ASAP3: variants seen among roughly 807,000 people sequenced by gnomAD.
The protein encoded by ASAP3 is ArfGAP with SH3 domain, ankyrin repeat and PH domain 3, also known as arf-GAP with SH3 domain, ANK repeat and PH domain-containing protein 3.
ASAP3 carries 85 observed loss-of-function variants against 118.2 expected under a neutral mutation model. The ratio of observed to expected loss-of-function variants is 0.72; its 90% CI spans 0.60 to 0.86. ASAP3 has a LOEUF of 0.86. Ranked by LOEUF, ASAP3 falls within the 40% of genes least tolerant of loss-of-function variation. ASAP3 has a pLI of 0.00. For synonymous variants in ASAP3, 432 were observed against 477.4 expected (o/e 0.90, Z 1.24); for missense variants, 1,026 against 1,175.0 (o/e 0.87, Z 1.85).
In ASAP3 at chr1:23,467,055, G is replaced by T. The variant is rs565436669; in HGVS notation, c.130-10861C>A. 6.6e-4 allele frequency among the ~76,000 whole-genome samples: 100 copies of T among 151,900 alleles called. 1 individual carries two copies. In the Middle Eastern group the frequency reaches 0.021, roughly 31 times the overall value. The stretch of plus-strand genomic sequence containing the variant: ...GCTAATTTTCTGTAGTAGAGACAGG[G>T]GTTTCACCATGTTGGCCAGGCTGGT... On this transcript the variant is annotated intron_variant, in intron 1 of 24. Coordinates refer to ENST00000336689, the MANE Select transcript of ASAP3 (RefSeq NM_017707.4).
intron 2 of ASAP3, 45 bp downstream of exon 2, chr1:23,456,077 A>AG: frequency 6.2e-7 from 1 of 1,613,944 alleles, no homozygotes; most frequent in Non-Finnish European, 8.5e-7. Context: ...TGGGGCTGGG[A>AG]GAGGGGCTTC....
At chr1:23,458,673 G>C (rs956699041) in intron 1 of ASAP3, among the ~76,000 whole-genome samples, 1 of 151,480 alleles carries the variant, frequency 6.6e-6, no homozygotes, top group Non-Finnish European at 1.5e-5. Context: ...AGGGGAGAAC[G>C]TTTCTTTCTA....
intron 1 of ASAP3, among the ~76,000 whole-genome samples, chr1:23,469,817 T>A (rs74996577): frequency 1.3e-5 from 2 of 152,186 alleles, no homozygotes; most frequent in Non-Finnish European, 2.9e-5. Context: ...CTCAAGGTCA[T>A]GTAGGAAGTT....
chr1:23,472,476 A>G (rs1384535892), intron 1 of ASAP3, among the ~76,000 whole-genome samples: 1 of 152,180 alleles, frequency 6.6e-6, no homozygotes, highest in Non-Finnish European at 1.5e-5. Flanking sequence ...CACTGGCCTC[A>G]GCAAATGTTT....
chr1:23,458,939 G>A (rs766921378), intron 1 of ASAP3, among the ~76,000 whole-genome samples: 1 of 152,104 alleles, frequency 6.6e-6, no homozygotes. Flanking sequence ...GGGAGGCCAA[G>A]GCAGTGGATC....
chr1:23,484,155 G>C lies in ASAP3; in HGVS notation c.-22C>G, dbSNP rs1368575249. 1.6e-6 allele frequency: 2 copies of C among 1,257,856 alleles called. No homozygotes were observed. The highest frequency in any genetic ancestry group is 3.1e-5 in the African/African-American group (2 of 64,276). The allele number at this position is 1,257,856 out of a possible 1,614,324, so 77.9% of individuals were successfully genotyped here. A position where few individuals can be genotyped will look rare whatever the true frequency, so the allele number is the denominator to read the frequency against. Reference sequence around the variant, plus strand: ...GCATGGCGGGCGCGAGCGTGGAGCTGCCGGAGCGGGGCGCGGGGGGCACTG... The same window carrying C: ...GCATGGCGGGCGCGAGCGTGGAGCTCCCGGAGCGGGGCGCGGGGGGCACTG... On this transcript the variant is annotated 5_prime_UTR_variant, in exon 1 of 25. Transcript: ENST00000336689.
At chr1:23,449,919 G>T (rs545088379) in intron 5 of ASAP3, among the ~76,000 whole-genome samples, 2 of 152,344 alleles carry the variant, frequency 1.3e-5, no homozygotes, top group South Asian at 4.1e-4. Context: ...TAACGGCTTA[G>T]TTAAGGTAAC....
At position 23,428,574 on chromosome 1, in the gene ASAP3, C is replaced by CA. The variant is rs1282427072; in HGVS notation, c.*1281dup. 2.6e-5 allele frequency: 4 copies of CA among 152,242 alleles called. No individual in the cohort carries two copies. The highest frequency in any genetic ancestry group is 5.9e-5 in the Non-Finnish European group (4 of 68,048). 9.4% of individuals were successfully genotyped at this position (152,242 alleles called of 1,614,324 possible). ...ATGAAACCACTGGAAACTGACCCCC[C>CA]AATCCTTTATTAGAGATGAGTGAAA... On this transcript the variant is annotated 3_prime_UTR_variant, in exon 25 of 25. Coordinates refer to ENST00000336689, the MANE Select transcript of ASAP3 (RefSeq NM_017707.4).
Position 23,474,248 on chromosome 1 carries a change from G to A in ASAP3, c.129+9757C>T, listed in dbSNP as rs116772391. Reference sequence around the variant, plus strand: ...CCCCCAAACTGCTGGGATTACAGGCGTGAGCCATAAATCTGCTCTTAAGGT... The same window carrying A: ...CCCCCAAACTGCTGGGATTACAGGCATGAGCCATAAATCTGCTCTTAAGGT... On this transcript the variant is annotated intron_variant, in intron 1 of 24. Transcript: ENST00000336689. Among the ~76,000 whole-genome samples the A allele has an allele frequency of 2.5e-3, 378 of 152,172 alleles. 2 individuals carry two copies. The highest frequency in any genetic ancestry group is 8.9e-3 in the African/African-American group (368 of 41,520).
At position 23,460,151 on chromosome 1, in the gene ASAP3, G is replaced by A. The variant is rs1192881482; in HGVS notation, c.130-3957C>T. On this transcript the variant is annotated intron_variant, in intron 1 of 24. Transcript: ENST00000336689. ...CTTTAAAAAATTGAAAAATAAAAAGGAAGGGAGGGACTACACACCTGTTAG... is the reference window on the plus strand; with the variant it reads ...CTTTAAAAAATTGAAAAATAAAAAGAAAGGGAGGGACTACACACCTGTTAG... Among the ~76,000 whole-genome samples the A allele has an allele frequency of 2.0e-5, 3 of 152,092 alleles. No homozygotes were observed. The South Asian group carries it at 6.2e-4, about 31-fold the overall frequency.
At chr1:23,445,279 C>T (rs1458365664) in intron 5 of ASAP3, among the ~76,000 whole-genome samples, 1 of 152,114 alleles carries the variant, frequency 6.6e-6, no homozygotes, top group African/African-American at 2.4e-5. Context: ...TGCTTGAGCC[C>T]AGAAGTTCGA....
At chr1:23,446,478 C>T (rs1435338018) in intron 5 of ASAP3, among the ~76,000 whole-genome samples, 2 of 149,790 alleles carry the variant, frequency 1.3e-5, no homozygotes, top group Non-Finnish European at 3.0e-5. Flanking sequence ...TTGCTTGTCA[C>T]CCAGGCTAGA....
rs1288564684 is a variant in ASAP3, at chr1:23,443,759, CGATCTTGGCTCACTGCAACGGCAT to C, written c.474-1171_474-1148del. Among the ~76,000 whole-genome samples, 10 of 150,282 alleles carry C rather than the reference CGATCTTGGCTCACTGCAACGGCAT, an allele frequency of 6.7e-5. No individual in the cohort carries two copies. The East Asian group carries it at 1.2e-3, about 18-fold the overall frequency. Reference sequence around the variant, plus strand: ...TTGCCCAGGCTGGAGTGCAGTGGTACGATCTTGGCTCACTGCAACGGCATGATCTTGGCTCACTGCAACCTCGGC... The same window carrying C: ...TTGCCCAGGCTGGAGTGCAGTGGTACGATCTTGGCTCACTGCAACCTCGGC... On this transcript the variant is annotated intron_variant, in intron 5 of 24. Transcript: ENST00000336689.
chr1:23,455,106 T>C lies in ASAP3; in HGVS notation c.348+775A>G, dbSNP rs568568022. On this transcript the variant is annotated intron_variant, in intron 3 of 24. Coordinates refer to ENST00000336689, the MANE Select transcript of ASAP3 (RefSeq NM_017707.4). ...AGTGTAGCCAGGCTTATGCTTGGACTCTGGAGCCAGACAACCTGGGTTCAA... is the reference window on the plus strand; with the variant it reads ...AGTGTAGCCAGGCTTATGCTTGGACCCTGGAGCCAGACAACCTGGGTTCAA... Among the ~76,000 whole-genome samples the C allele has an allele frequency of 3.3e-5, 5 of 152,304 alleles. No individual in the cohort carries two copies. The South Asian group carries it at 8.3e-4, about 25-fold the overall frequency.
Position 23,441,436 on chromosome 1 carries a change from G to A in ASAP3, c.785C>T (p.Thr262Ile). 6.2e-7 allele frequency: 1 copy of A among 1,614,130 alleles called. No individual in the cohort carries two copies. The highest frequency in any genetic ancestry group is 8.5e-7 in the Non-Finnish European group (1 of 1,180,028). ...CCCTCGGAGGGAGTCCCGGAGCTGGGTCAGCTTCTGTAGCTCGTCCTCCTG... is the reference window on the plus strand; with the variant it reads ...CCCTCGGAGGGAGTCCCGGAGCTGGATCAGCTTCTGTAGCTCGTCCTCCTG... ...QAQEDELQKL[T>I]QLRDSLRGTL... Residue 262 changes from threonine (T) to isoleucine (I), a missense_variant, in exon 9 of 25, where the codon ACC becomes ATC. Coordinates refer to ENST00000336689, the MANE Select transcript of ASAP3 (RefSeq NM_017707.4).
At position 23,452,768 on chromosome 1, in the gene ASAP3, G is replaced by C. The variant is rs1388417392; in HGVS notation, c.352C>G (p.Gln118Glu). Residue 118 changes from glutamine to glutamate, a missense_variant, in exon 4 of 25, where the codon CAG becomes GAG. Coordinates refer to ENST00000336689, the MANE Select transcript of ASAP3 (RefSeq NM_017707.4). ...EVAALFKNLIQNLNNIVSFPL... is the reference protein window; with the variant it reads ...EVAALFKNLIENLNNIVSFPL... ...AAAGAGACAATGTTGTTCAAGTTCT[G>C]AATCTGGAAAAAACAGAGACGCTCA... is the stretch of plus-strand genomic sequence containing the variant. 1.2e-6 allele frequency: 2 copies of C among 1,613,734 alleles called. No individual in the cohort carries two copies. The highest frequency in any genetic ancestry group is 2.7e-5 in the African/African-American group (2 of 74,896).
intron 1 of ASAP3, among the ~76,000 whole-genome samples, chr1:23,459,664 C>T (rs774840030): frequency 5.3e-5 from 8 of 152,242 alleles, no homozygotes; most frequent in East Asian, 3.8e-4. Context: ...AGCCCCACAC[C>T]GCCACAGCAA....
chr1:23,435,831 G>A lies in ASAP3; in HGVS notation c.1749+20C>T. On this transcript the variant is annotated intron_variant, in intron 17 of 24. Coordinates refer to ENST00000336689, the MANE Select transcript of ASAP3 (RefSeq NM_017707.4). ...ATGTTAGACAGGTGGGTTATAAGTGGCCCTTGGAGGGGTTCTCACCTGTGC... is the reference window on the plus strand; with the variant it reads ...ATGTTAGACAGGTGGGTTATAAGTGACCCTTGGAGGGGTTCTCACCTGTGC... 6.2e-7 allele frequency: 1 copy of A among 1,614,184 alleles called. No homozygotes were observed. Among genetic ancestry groups the A allele is most frequent in the Non-Finnish European group, 8.5e-7 (1 of 1,179,982 alleles).
intron 1 of ASAP3, among the ~76,000 whole-genome samples, chr1:23,467,730 T>G (rs773572901): frequency 1.6e-4 from 25 of 151,788 alleles, no homozygotes; most frequent in Middle Eastern, 6.9e-3. Flanking sequence ...GGGAGGTGGA[T>G]CACGAGGTCA....
Sources: gnomAD v4.1 joint callset for allele counts (sites outside exome capture counted in the v4.1 genomes callset) on GRCh38, gnomAD v4.1.1 for gene constraint, MANE v1.5 for transcripts, NCBI Gene and HGNC (gene_info 2026-07-23, HGNC 2026-07-21) for gene names.